The following NHSL1 variants were observed in gnomAD, a reference collection of about 807,000 sequenced individuals.
The protein encoded by NHSL1 is NHS like 1, also known as NHS-like protein 1.
A neutral mutation model predicts 95.0 loss-of-function variants in NHSL1; 48 were observed. The observed-to-expected ratio is 0.51, with a 90% CI of 0.40 to 0.64. NHSL1 has a LOEUF of 0.64. Ranked by LOEUF, NHSL1 falls within the 30% of genes least tolerant of loss-of-function variation. The pLI, the probability that NHSL1 is intolerant of heterozygous loss-of-function variation, is 0.00. For missense variants in NHSL1, 1,971 were observed against 2,077.7 expected, an observed-to-expected ratio of 0.95 and a Z score of 1.00; for synonymous variants, 783 against 833.9, an observed-to-expected ratio of 0.94 and a Z score of 1.05.
chr6:138,454,174 CCTT>C (rs1454265242), intron 3 of NHSL1, among the ~76,000 whole-genome samples: 1 of 148,826 alleles, frequency 6.7e-6, no homozygotes, highest in African/African-American at 2.5e-5. Context: ...CCTAATTACT[CCTT>C]GTTATATGTG....
At chr6:138,444,396 T>C (rs1453835016) in intron 4 of NHSL1, among the ~76,000 whole-genome samples, 1 of 152,180 alleles carries the variant, frequency 6.6e-6, no homozygotes, top group Non-Finnish European at 1.5e-5. Context: ...TTGTCCCACA[T>C]AGCAGATGAT....
chr6:138,477,227 G>A (rs181713328), intron 2 of NHSL1, among the ~76,000 whole-genome samples: 429 of 152,262 alleles, frequency 2.8e-3, no homozygotes, highest in Non-Finnish European at 5.6e-3. Context: ...ATAGAGAGAA[G>A]TCCAAAGCCC....
intron 1 of NHSL1, among the ~76,000 whole-genome samples, chr6:138,508,857 A>G (rs1209678750): frequency 6.6e-6 from 1 of 151,624 alleles, no homozygotes; most frequent in Non-Finnish European, 1.5e-5. Context: ...GCAGAAAAAA[A>G]ATAATTTCAT....
At chr6:138,443,661 T>C (rs1003036713) in intron 4 of NHSL1, among the ~76,000 whole-genome samples, 2 of 152,116 alleles carry the variant, frequency 1.3e-5, no homozygotes, top group Non-Finnish European at 2.9e-5. Context: ...ATCCTGTCTC[T>C]ACCAAAAATA....
Position 138,692,508 on chromosome 6 carries a change from G to A in NHSL1, c.65C>T (p.Ala22Val), listed in dbSNP as rs780132418. ...CACTCGGCGGTGGTCCAGGCGCGCA[G>A]CGGCGGCTTGCAGGGCGTCGAGGCG... The change falls in exon 1 of 4, where the codon GCT becomes GTT. Residue 22 changes from alanine (A) to valine (V), a missense_variant. Ala to Val is a moderately conservative substitution (Grantham distance 64, BLOSUM62 0). Transcript: ENST00000491526. This position sits in a 1 kb window ranked among gnomAD's most constrained non-coding sequence, Gnocchi z 4.0. The A allele has an allele frequency of 5.5e-5, 11 of 198,254 alleles. No homozygotes were observed. In the South Asian group the frequency reaches 8.7e-4, roughly 16 times the overall value. The allele number at this position is 198,254 out of a possible 1,614,324, so 12.3% of individuals were successfully genotyped here.
At chr6:138,566,172 C>A (rs1019186283) in intron 1 of NHSL1, among the ~76,000 whole-genome samples, 1 of 151,878 alleles carries the variant, frequency 6.6e-6, no homozygotes, top group Non-Finnish European at 1.5e-5. Flanking sequence ...CTGAGGTGGG[C>A]GGATCACCTG....
intron 2 of NHSL1, among the ~76,000 whole-genome samples, chr6:138,492,659 A>C (rs115898987): frequency 0.012 from 1,781 of 152,306 alleles, 22 homozygotes; most frequent in African/African-American, 0.031. Context: ...TTTACATTTC[A>C]TTATGCATTT....
At chr6:138,444,573 C>G (rs895752961) in intron 4 of NHSL1, among the ~76,000 whole-genome samples, 1 of 149,774 alleles carries the variant, frequency 6.7e-6, no homozygotes, top group Non-Finnish European at 1.5e-5. Flanking sequence ...GATTTGAAAT[C>G]GCCATTTTTT....
chr6:138,684,547 A>T (rs568092933), intron 1 of NHSL1, among the ~76,000 whole-genome samples: 1 of 152,170 alleles, frequency 6.6e-6, no homozygotes, highest in East Asian at 1.9e-4. Context: ...CAGAAGGCTG[A>T]GGCAGAAGAA....
chr6:138,477,270 G>T (rs923294912), intron 2 of NHSL1, among the ~76,000 whole-genome samples: 2 of 152,126 alleles, frequency 1.3e-5, no homozygotes, highest in African/African-American at 4.8e-5. Context: ...GTTCAAAATT[G>T]TTTTATTTGT....
chr6:138,456,531 T>C (rs183523273), intron 3 of NHSL1, among the ~76,000 whole-genome samples: 4 of 152,344 alleles, frequency 2.6e-5, no homozygotes, highest in African/African-American at 9.6e-5. Flanking sequence ...GCCAAAAATC[T>C]AGATCTAATA....
intron 1 of NHSL1, among the ~76,000 whole-genome samples, chr6:138,689,431 T>C (rs7741612): frequency 1.3e-5 from 2 of 152,128 alleles, no homozygotes; most frequent in African/African-American, 4.8e-5. Flanking sequence ...TTTCTACCCA[T>C]GAGATTTTGA....
intron 3 of NHSL1, among the ~76,000 whole-genome samples, chr6:138,467,374 G>A (rs1037276085): frequency 6.6e-6 from 1 of 152,164 alleles, no homozygotes; most frequent in South Asian, 2.1e-4. Flanking sequence ...GGATGGTCTC[G>A]ATCTCCTGAC....
Position 138,499,238 on chromosome 6 carries a change from T to C in NHSL1, c.53A>G (p.Lys18Arg). Reference protein sequence around the residue: ...KIKSLIKLFKKKTVSNLDEES... With the variant: ...KIKSLIKLFKRKTVSNLDEES... ...AGAGAAAAGGAACTACTTACTTTTC[T>C]TCTTAAAAAGTTTAATTAAAGACTT... The change falls in exon 1 of 8, where the codon AAG becomes AGG. Residue 18 changes from lysine (K) to arginine (R), a missense_variant. Lys to Arg is a conservative substitution (Grantham distance 26). Coordinates refer to ENST00000343505, the MANE Select transcript of NHSL1 (RefSeq NM_001144060.2). The C allele has an allele frequency of 6.5e-7, 1 of 1,546,418 alleles. No homozygotes were observed. Among genetic ancestry groups the C allele is most frequent in the Non-Finnish European group, 8.8e-7 (1 of 1,142,458 alleles).
intron 1 of NHSL1, among the ~76,000 whole-genome samples, chr6:138,666,521 G>C (rs1785296650): frequency 1.3e-5 from 2 of 149,354 alleles, no homozygotes; most frequent in East Asian, 3.9e-4. Flanking sequence ...GAACCTGGGA[G>C]GTAGAGCTTG....
chr6:138,531,796 A>G (rs1782146008), intron 1 of NHSL1, among the ~76,000 whole-genome samples: 1 of 152,212 alleles, frequency 6.6e-6, no homozygotes, highest in Non-Finnish European at 1.5e-5. Flanking sequence ...TACAAGTGTG[A>G]GCCACAATAC....
chr6:138,611,808 G>A (rs958655325), intron 1 of NHSL1, among the ~76,000 whole-genome samples: 1 of 151,054 alleles, frequency 6.6e-6, no homozygotes, highest in Non-Finnish European at 1.5e-5. Context: ...AAATAAATGC[G>A]ACACTAAAAA....
chr6:138,539,036 A>G (rs992591672), intron 1 of NHSL1, among the ~76,000 whole-genome samples: 2 of 152,178 alleles, frequency 1.3e-5, no homozygotes, highest in Admixed American at 6.5e-5. Context: ...AACAACAACA[A>G]AAAAAGTTCT....
chr6:138,552,067 A>C (rs1783025011), intron 1 of NHSL1, among the ~76,000 whole-genome samples: 1 of 152,188 alleles, frequency 6.6e-6, no homozygotes, highest in Non-Finnish European at 1.5e-5. Context: ...AGACACATTC[A>C]CATCACTGTA....
Sources: allele counts gnomAD v4.1 joint callset (sites outside exome capture counted in the v4.1 genomes callset), GRCh38; gene constraint gnomAD v4.1.1; non-coding constraint Gnocchi (gnomAD v3.1); transcripts MANE v1.5; gene names NCBI Gene and HGNC (gene_info 2026-07-23, HGNC 2026-07-21).